Variants in LMO7 observed in about 807,000 individuals in gnomAD.
LMO7 encodes the protein LIM domain only protein 7.
LMO7 carries 120 observed loss-of-function variants against 206.5 expected under a neutral mutation model. That is an observed-to-expected ratio of 0.58 (90% CI 0.50 to 0.68). The LOEUF is 0.68. LMO7 is among the 30% of genes least tolerant of loss of function. The probability of loss-of-function intolerance (pLI) is 0.00; values close to 1 mark genes in which losing one functional copy is unlikely to be tolerated. For missense variants in LMO7, 1,959 were observed against 1,957.9 expected (o/e 1.00, Z -0.01); for synonymous variants, 706 against 681.5 (o/e 1.04, Z -0.56).
At chr13:75,704,456 C>G (rs960181425) in intron 1 of LMO7, among the ~76,000 whole-genome samples, 1 of 152,120 alleles carries the variant, frequency 6.6e-6, no homozygotes, top group African/African-American at 2.4e-5. Context: ...AACTGTGAGC[C>G]CAGTTGAAGC....
intron 3 of LMO7, among the ~76,000 whole-genome samples, chr13:75,728,012 A>G (rs1229912881): frequency 6.6e-6 from 1 of 151,746 alleles, no homozygotes; most frequent in Non-Finnish European, 1.5e-5. Flanking sequence ...CATTTTCTTA[A>G]TCCAGTCTAT....
chr13:75,748,267 A>G (rs1444569499), intron 3 of LMO7, among the ~76,000 whole-genome samples: 1 of 152,212 alleles, frequency 6.6e-6, no homozygotes, highest in African/African-American at 2.4e-5. Context: ...AAGCAACTTA[A>G]TAGTGGCAAT....
At chr13:75,821,634 AGTCT>A (rs766110413) in intron 14 of LMO7, 25 bp downstream of exon 14, 3 of 1,576,488 alleles carry the variant, frequency 1.9e-6, no homozygotes, top group Non-Finnish European at 2.6e-6. Context: ...CGGTTCATTT[AGTCT>A]GTTCTGAAGA....
At chr13:75,846,004 T>A (rs1207297094) in intron 26 of LMO7, among the ~76,000 whole-genome samples, 2 of 152,082 alleles carry the variant, frequency 1.3e-5, no homozygotes, top group Non-Finnish European at 2.9e-5. Context: ...GAGGTCAACA[T>A]GCCCATCATG....
intron 2 of LMO7, among the ~76,000 whole-genome samples, chr13:75,723,070 ACTC>A (rs945381542): frequency 1.3e-5 from 2 of 152,012 alleles, no homozygotes; most frequent in East Asian, 1.9e-4. Context: ...TGCAGTGGAT[ACTC>A]CTCAAGTGAT....
Position 75,760,933 on chromosome 13 carries a change from A to C in LMO7, c.212A>C (p.Asp71Ala). The change falls in exon 4 of 31, where the codon GAT becomes GCT. Residue 71 changes from aspartate to alanine, a missense_variant and splice_region_variant. By Grantham distance (126) the Asp-to-Ala change is moderately radical. Coordinates refer to ENST00000377534, the MANE Select transcript of LMO7 (RefSeq NM_001306080.2). ...NRLSTPIAGL[D>A]NINVFLKACE... ...ATCACTTTCCACTTCTTTTCACAGG[A>C]TAATATAAACGTTTTCTTGAAAGCT... The C allele has an allele frequency of 6.2e-7, 1 of 1,613,314 alleles. No homozygotes were observed. Among genetic ancestry groups the C allele is most frequent in the Non-Finnish European group, 8.5e-7 (1 of 1,179,650 alleles).
chr13:75,760,412 A>G (rs775109986), intron 3 of LMO7: 99 of 1,094,256 alleles, frequency 9.0e-5, no homozygotes, highest in Non-Finnish European at 1.1e-4. Flanking sequence ...CAGCTCAACA[A>G]CCAAACCCAG....
At chr13:75,639,344 T>C (rs976616423) in intron 1 of LMO7, among the ~76,000 whole-genome samples, 6 of 152,248 alleles carry the variant, frequency 3.9e-5, no homozygotes, top group African/African-American at 1.4e-4. Flanking sequence ...TGTCTACTCA[T>C]GCTAATTTTG....
chr13:75,696,964 G>A (rs891112376), intron 1 of LMO7, among the ~76,000 whole-genome samples: 2 of 152,140 alleles, frequency 1.3e-5, no homozygotes, highest in African/African-American at 4.8e-5. Context: ...TTTAAAGGAA[G>A]CTGGTGATCC....
chr13:75,705,250 G>A (rs1203852448), intron 1 of LMO7, among the ~76,000 whole-genome samples: 1 of 152,202 alleles, frequency 6.6e-6, no homozygotes, highest in Non-Finnish European at 1.5e-5. Flanking sequence ...CAGAGGAGTC[G>A]AAATGCCTTC....
intron 16 of LMO7, among the ~76,000 whole-genome samples, chr13:75,833,626 GGT>G (rs2058874212): frequency 6.6e-6 from 1 of 151,986 alleles, no homozygotes. Context: ...CCCCTGTCCA[GGT>G]CTATACCATG....
chr13:75,779,523 C>G (rs1482465349), intron 4 of LMO7, among the ~76,000 whole-genome samples: 1 of 152,040 alleles, frequency 6.6e-6, no homozygotes, highest in Non-Finnish European at 1.5e-5. Context: ...AATTTGAAAG[C>G]TAGTTATATT....
At chr13:75,626,297 G>A (rs12868074) in intron 2 of LMO7, among the ~76,000 whole-genome samples, 10,037 of 151,924 alleles carry the variant, frequency 0.066, 384 homozygotes, top group Non-Finnish European at 0.099. Context: ...TGGCTGGGGA[G>A]GTCTCAGAAT....
chr13:75,757,624 G>C (rs907150978), intron 3 of LMO7, among the ~76,000 whole-genome samples: 1 of 152,102 alleles, frequency 6.6e-6, no homozygotes, highest in African/African-American at 2.4e-5. Flanking sequence ...GGGGTGGAAG[G>C]GAGATTGGAG....
intron 11 of LMO7, among the ~76,000 whole-genome samples, chr13:75,813,744 G>A (rs993328960): frequency 1.3e-5 from 2 of 152,214 alleles, no homozygotes; most frequent in African/African-American, 4.8e-5. Context: ...CACATTTCAT[G>A]GGAAGACACC....
At chr13:75,743,379 A>G (rs536291920) in intron 3 of LMO7, among the ~76,000 whole-genome samples, 30 of 152,288 alleles carry the variant, frequency 2.0e-4, no homozygotes, top group Admixed American at 9.1e-4. Flanking sequence ...AAATCATTCT[A>G]TCATAAAGAC....
chr13:75,794,929 T>C (rs745752019), intron 4 of LMO7, among the ~76,000 whole-genome samples: 13 of 152,110 alleles, frequency 8.5e-5, no homozygotes, highest in Non-Finnish European at 1.8e-4. Context: ...AAAAACCTTA[T>C]GGATGATGAA....
chr13:75,677,641 GC>G (rs903938150), intron 1 of LMO7, among the ~76,000 whole-genome samples: 5 of 76,932 alleles, frequency 6.5e-5, no homozygotes, highest in African/African-American at 2.2e-4. Context: ...TTGTCCTGTA[GC>G]TTTTTTTTTT....
At chr13:75,731,842 C>G (rs1357585812) in intron 3 of LMO7, among the ~76,000 whole-genome samples, 7 of 151,868 alleles carry the variant, frequency 4.6e-5, no homozygotes, top group Admixed American at 2.6e-4. Flanking sequence ...CAAAATCTCT[C>G]AGCATTTGCT....
Sources: gnomAD v4.1 joint callset for allele counts (sites outside exome capture counted in the v4.1 genomes callset) on GRCh38, gnomAD v4.1.1 for gene constraint, MANE v1.5 for transcripts, NCBI Gene and HGNC (gene_info 2026-07-23, HGNC 2026-07-21) for gene names.